ITPR1: variants seen among roughly 807,000 people sequenced by gnomAD.
ITPR1 encodes the protein inositol 1,4,5-trisphosphate-gated calcium channel ITPR1.
A neutral mutation model predicts 318.4 loss-of-function variants in ITPR1; 96 were observed. That is an observed-to-expected ratio of 0.30 (90% CI 0.26 to 0.36). The LOEUF (loss-of-function observed/expected upper bound fraction) is 0.36, where lower values mean the gene tolerates loss of function less well. Among genes scored for constraint, ITPR1 ranks in the 10% least tolerant of loss-of-function variants. ITPR1 has a pLI of 1.00. For synonymous variants in ITPR1, 1,312 were observed against 1,289.9 expected (o/e 1.02, Z -0.37); for missense variants, 2,440 against 3,460.2 (o/e 0.71, Z 7.40).
intron 49 of ITPR1, among the ~76,000 whole-genome samples, chr3:4,781,655 T>C (rs2046845654): frequency 6.6e-6 from 1 of 152,202 alleles, no homozygotes; most frequent in African/African-American, 2.4e-5. Context: ...AATGTTCTTT[T>C]ATCTCCTTGA....
intron 35 of ITPR1, 49 bp from the exon 36 acceptor site, chr3:4,702,781 C>A: frequency 1.3e-6 from 2 of 1,589,392 alleles, no homozygotes; most frequent in South Asian, 1.1e-5. Flanking sequence ...CATCAGTAGT[C>A]TACAAATAAA....
At chr3:4,623,771 G>A (rs941767441) in intron 4 of ITPR1, among the ~76,000 whole-genome samples, 6 of 152,194 alleles carry the variant, frequency 3.9e-5, no homozygotes, top group African/African-American at 9.6e-5. Context: ...CTAAGCAACT[G>A]GGAAGGCAGG....
intron 60 of ITPR1, among the ~76,000 whole-genome samples, chr3:4,819,059 G>A (rs1351910602): frequency 2.6e-5 from 4 of 152,190 alleles, no homozygotes; most frequent in African/African-American, 9.7e-5. Context: ...GGACTTGAGT[G>A]CTCGGCCTGA....
In ITPR1 at chr3:4,639,416, G is replaced by A; in HGVS notation, c.312G>A (p.Glu104=). 1 of 1,577,854 alleles carries A rather than the reference G, an allele frequency of 6.3e-7. No homozygotes were observed. The highest frequency in any genetic ancestry group is 8.6e-7 in the Non-Finnish European group (1 of 1,161,578). ...HAADLEKKQN[E]TENRKLLGTV... ...CAGACTTGGAAAAGAAGCAGAATGA[G>A]ACAGAAAACAGGAAATTGCTGGGGA... The change falls in exon 6 of 62, where the codon GAG becomes GAA. Residue 104 remains glutamate, a synonymous_variant. Coordinates refer to ENST00000649015, the MANE Select transcript of ITPR1 (RefSeq NM_001378452.1).
At chr3:4,501,681 A>G (rs1469314775) in intron 2 of ITPR1, among the ~76,000 whole-genome samples, 2 of 152,214 alleles carry the variant, frequency 1.3e-5, no homozygotes, top group Non-Finnish European at 2.9e-5. Flanking sequence ...CTAATCACCA[A>G]CCTGAGGTGA....
intron 44 of ITPR1, among the ~76,000 whole-genome samples, chr3:4,761,051 T>C (rs2125363310): frequency 6.6e-6 from 1 of 152,314 alleles, no homozygotes; most frequent in East Asian, 1.9e-4. Context: ...TTTATTTTCT[T>C]CTAGAAAGTT....
chr3:4,741,096 A>G (rs1296824500), intron 44 of ITPR1, among the ~76,000 whole-genome samples: 1 of 152,064 alleles, frequency 6.6e-6, no homozygotes, highest in African/African-American at 2.4e-5. Context: ...AGATGTTCCC[A>G]CCAGCGCCTG....
At chr3:4,598,942 G>A (rs1178972688) in intron 4 of ITPR1, among the ~76,000 whole-genome samples, 1 of 151,532 alleles carries the variant, frequency 6.6e-6, no homozygotes, top group Non-Finnish European at 1.5e-5. Context: ...TTTGTACAGT[G>A]TGGCTTCCAG....
chr3:4,604,125 T>C (rs1462662504), intron 4 of ITPR1, among the ~76,000 whole-genome samples: 1 of 152,228 alleles, frequency 6.6e-6, no homozygotes, highest in African/African-American at 2.4e-5. Flanking sequence ...TGACCATCTG[T>C]AAGTCTTCCT....
chr3:4,583,253 A>T (rs1382159117), intron 4 of ITPR1, among the ~76,000 whole-genome samples: 1 of 152,214 alleles, frequency 6.6e-6, no homozygotes, highest in Non-Finnish European at 1.5e-5. Context: ...GTGTCACTTT[A>T]TGATAATATC....
chr3:4,835,744 T>C lies in ITPR1; in HGVS notation c.8029-1030T>C, dbSNP rs112343943. On this transcript the variant is annotated intron_variant, in intron 60 of 61. Transcript: ENST00000649015. ...TCATTCCTGCCTCTCTGTACAGAAC[T>C]TATGTATGCGGCATGCTCTTTGGGA... Among the ~76,000 whole-genome samples the C allele has an allele frequency of 3.8e-3, 585 of 152,324 alleles. 3 individuals carry two copies. The highest frequency in any genetic ancestry group is 0.013 in the African/African-American group (523 of 41,570).
intron 24 of ITPR1, among the ~76,000 whole-genome samples, 164 bp from the exon 25 acceptor site, chr3:4,680,389 T>C (rs1206110744): frequency 6.6e-6 from 1 of 152,168 alleles, no homozygotes; most frequent in African/African-American, 2.4e-5. Context: ...AAGTCTGCTG[T>C]TGTTAAAATG....
In ITPR1 at chr3:4,685,212, C is replaced by G; in HGVS notation, c.3702+6C>G. Reference sequence around the variant, plus strand: ...TGCAGATTCCCTATGAGAAGGTGAGCGGTGCCTCATGCACAGCAGCTGCTC... The same window carrying G: ...TGCAGATTCCCTATGAGAAGGTGAGGGGTGCCTCATGCACAGCAGCTGCTC... On this transcript the variant is annotated splice_donor_region_variant and intron_variant, in intron 30 of 61. Transcript: ENST00000649015. The G allele has an allele frequency of 6.3e-7, 1 of 1,596,156 alleles. No homozygotes were observed. The highest frequency in any genetic ancestry group is 8.5e-7 in the Non-Finnish European group (1 of 1,175,408).
chr3:4,675,040 GTCT>G lies in ITPR1; in HGVS notation c.2599-20_2599-18del, dbSNP rs747548457. 2.9e-5 allele frequency: 38 copies of G among 1,301,862 alleles called. No homozygotes were observed. Among genetic ancestry groups the G allele is most frequent in the Middle Eastern group, 3.7e-4 (2 of 5,432 alleles). 80.6% of individuals were successfully genotyped at this position (1,301,862 alleles called of 1,614,324 possible). A position where few individuals can be genotyped will look rare whatever the true frequency, so the allele number is the denominator to read the frequency against. On this transcript the variant is annotated intron_variant, in intron 22 of 61. Transcript: ENST00000649015. ...AAGGGGATGCAGTTTATGTAATACCGTCTTCTTCTTTTATTTTAATACAATAGG... is the reference window on the plus strand; with the variant it reads ...AAGGGGATGCAGTTTATGTAATACCGTCTTCTTTTATTTTAATACAATAGG...
intron 25 of ITPR1, 100 bp downstream of exon 25, chr3:4,680,791 T>C: frequency 9.2e-7 from 1 of 1,091,604 alleles, no homozygotes; most frequent in South Asian, 1.6e-5. Context: ...GTGAAAATGG[T>C]TTTGAGGATT....
chr3:4,574,072 G>A (rs369110361), intron 4 of ITPR1, among the ~76,000 whole-genome samples: 1 of 152,220 alleles, frequency 6.6e-6, no homozygotes, highest in Non-Finnish European at 1.5e-5. Context: ...GGCGCCTTAG[G>A]TGGAGGTGGT....
At chr3:4,716,560 T>G (rs7645905) in intron 39 of ITPR1, among the ~76,000 whole-genome samples, 49,234 of 152,096 alleles carry the variant, frequency 0.32, 9,788 homozygotes, top group Non-Finnish European at 0.46. Context: ...ATACAAATTG[T>G]CAGTCTCCTA....
chr3:4,684,313 C>G lies in ITPR1; in HGVS notation c.3531C>G (p.Ser1177Arg). The G allele has an allele frequency of 6.2e-7, 1 of 1,612,926 alleles. No individual in the cohort carries two copies. The highest frequency in any genetic ancestry group is 8.5e-7 in the Non-Finnish European group (1 of 1,179,290). Residue 1177 changes from serine (S) to arginine (R), a missense_variant, in exon 29 of 62, where the codon AGC becomes AGG. Ser to Arg is a moderately radical substitution (Grantham distance 110). This residue lies in a region of ITPR1 where 86 missense variants were observed against 75.6 expected (regional missense o/e 1.14). Transcript: ENST00000649015. ...ATAACAAGCCACAAAAGCATGAAAGCACCAGCAGCTACAACTACAGAGTGG... is the reference window on the plus strand; with the variant it reads ...ATAACAAGCCACAAAAGCATGAAAGGACCAGCAGCTACAACTACAGAGTGG... ...EGNNKPQKHE[S>R]TSSYNYRVVK...
intron 46 of ITPR1, among the ~76,000 whole-genome samples, chr3:4,772,565 G>A (rs2046252319): frequency 6.6e-6 from 1 of 152,164 alleles, no homozygotes; most frequent in South Asian, 2.1e-4. Flanking sequence ...TTTCCCCTGG[G>A]GTAATGAATG....
Sources: gnomAD v4.1 joint callset for allele counts (sites outside exome capture counted in the v4.1 genomes callset) on GRCh38, gnomAD v4.1.1 for gene constraint, gnomAD v4.1.1 regional missense constraint, MANE v1.5 for transcripts, NCBI Gene and HGNC (gene_info 2026-07-23, HGNC 2026-07-21) for gene names.